PCDHA2: variants seen among roughly 807,000 people sequenced by gnomAD.
PCDHA2 encodes the protein protocadherin alpha 2, also known as protocadherin alpha-2.
Under a neutral mutation model 66.0 loss-of-function variants are expected in PCDHA2, and 58 were observed. The ratio of observed to expected loss-of-function variants is 0.88; its 90% CI spans 0.71 to 1.09. The LOEUF is 1.09. Ranked by LOEUF, PCDHA2 falls within the 50% of genes least tolerant of loss-of-function variation. The probability of loss-of-function intolerance (pLI) is 0.00; values close to 1 mark genes in which losing one functional copy is unlikely to be tolerated. For synonymous variants in PCDHA2, 634 were observed against 554.0 expected (o/e 1.14, Z -2.03); for missense variants, 1,267 against 1,242.3 (o/e 1.02, Z -0.30).
At chr5:140,991,025 A>G (rs1440890555) in intron 3 of PCDHA2, among the ~76,000 whole-genome samples, 2 of 152,208 alleles carry the variant, frequency 1.3e-5, no homozygotes, top group African/African-American at 4.8e-5. Flanking sequence ...CACTTTACAT[A>G]TGTTGCATAC....
chr5:140,808,672 A>G (rs1368669225), intron 1 of PCDHA2: 14 of 1,612,714 alleles, frequency 8.7e-6, no homozygotes, highest in African/African-American at 2.7e-5. Context: ...ACTCGCTGGT[A>G]GAGCGGCGGG....
Position 140,853,615 on chromosome 5 carries a change from A to G in PCDHA2, c.2388+56263A>G, listed in dbSNP as rs1265889147. 5 of 988,116 alleles carry G rather than the reference A, an allele frequency of 5.1e-6. 1 individual carries two copies. Among genetic ancestry groups the G allele is most frequent in the Non-Finnish European group, 6.1e-6 (5 of 820,262 alleles). 61.2% of individuals were successfully genotyped at this position (988,116 alleles called of 1,614,324 possible). ...TTTGAGAGCAAAGGGGGTGCTGTAA[A>G]TAAGTATACAAGATCACAGACCTAA... On this transcript the variant is annotated intron_variant, in intron 1 of 3. Coordinates refer to ENST00000526136, the MANE Select transcript of PCDHA2 (RefSeq NM_018905.3).
chr5:140,828,251 C>T (rs1278959274), intron 1 of PCDHA2: 6 of 1,614,002 alleles, frequency 3.7e-6, no homozygotes, highest in Non-Finnish European at 5.1e-6. Context: ...GGACCTGGGG[C>T]TGGAGCTGGC....
intron 1 of PCDHA2, chr5:140,828,974 A>G (rs1314280199): frequency 1.2e-6 from 2 of 1,614,192 alleles, no homozygotes; most frequent in Non-Finnish European, 1.7e-6. Context: ...CCACTTTAGC[A>G]TAGATCGAAA....
intron 1 of PCDHA2, chr5:140,843,167 A>G: frequency 6.3e-7 from 1 of 1,596,098 alleles, no homozygotes; most frequent in Non-Finnish European, 8.6e-7. Context: ...GCCAGCTGCA[A>G]GCAGCCCTCG....
chr5:140,853,963 A>G (rs1458848768), intron 1 of PCDHA2: 2 of 685,274 alleles, frequency 2.9e-6, no homozygotes, highest in African/African-American at 2.0e-5. Flanking sequence ...CCTTGAGCCC[A>G]GCAGTTTGAG....
chr5:140,797,107 G>A lies in PCDHA2; in HGVS notation c.2143G>A (p.Val715Met), dbSNP rs1174688256. 48 of 1,613,918 alleles carry A rather than the reference G, an allele frequency of 3.0e-5. No individual in the cohort carries two copies. The highest frequency in any genetic ancestry group is 3.9e-5 in the Non-Finnish European group (46 of 1,179,978). ...CAVSSLLVLTVLLYTALRCSV... is the reference protein window; with the variant it reads ...CAVSSLLVLTMLLYTALRCSV... ...GGTATCCAGCCTGTTGGTGCTCACG[G>A]TGCTGCTGTACACTGCGCTGCGGTG... is the stretch of plus-strand genomic sequence containing the variant. Residue 715 changes from valine to methionine, a missense_variant, in exon 1 of 4, where the codon GTG (valine) becomes ATG (methionine). Val to Met is a conservative substitution (Grantham distance 21). Coordinates refer to ENST00000526136, the MANE Select transcript of PCDHA2 (RefSeq NM_018905.3).
Position 140,925,082 on chromosome 5 carries a change from A to AAAGGAAGG in PCDHA2, c.2389-53849_2389-53842dup, listed in dbSNP as rs138596875. 2.5e-3 allele frequency among the ~76,000 whole-genome samples: 363 copies of AAAGGAAGG among 147,386 alleles called. 3 individuals carry two copies. The highest frequency in any genetic ancestry group is 8.0e-3 in the African/African-American group (310 of 38,948). ...GCAACAAAGCAACACGCTCATCTGG[A>AAAGGAAGG]AAGGAAGGAAGGAAGGAAGGAAGGA... On this transcript the variant is annotated intron_variant, in intron 1 of 3. Transcript: ENST00000526136.
intron 1 of PCDHA2, among the ~76,000 whole-genome samples, chr5:140,844,721 G>C (rs573731008): frequency 6.7e-6 from 1 of 149,274 alleles, no homozygotes; most frequent in Non-Finnish European, 1.5e-5. Context: ...CCATTAGTTC[G>C]TGTAAAAATA....
chr5:140,883,355 A>T (rs763058953), intron 1 of PCDHA2: 2 of 1,614,076 alleles, frequency 1.2e-6, no homozygotes, highest in Admixed American at 3.3e-5. Context: ...CAGAGAAGAC[A>T]CTCAGCCTAG....
At chr5:140,802,671 T>C (rs1762992155) in intron 1 of PCDHA2, 1 of 1,613,282 alleles carries the variant, frequency 6.2e-7, no homozygotes, top group South Asian at 1.1e-5. Flanking sequence ...CCTGGTGTCC[T>C]ACTCGCTGGT....
At chr5:140,862,775 A>C (rs1480702653) in intron 1 of PCDHA2, 4 of 576,960 alleles carry the variant, frequency 6.9e-6, no homozygotes, top group Non-Finnish European at 1.3e-5. Flanking sequence ...TACGCGTTGC[A>C]GCCACTGGAC....
chr5:140,882,927 C>A, intron 1 of PCDHA2: 1 of 1,614,104 alleles, frequency 6.2e-7, no homozygotes. Context: ...GGAGGTAAAC[C>A]CGAGCTGACT....
chr5:140,933,545 A>G (rs1424166462), intron 1 of PCDHA2, among the ~76,000 whole-genome samples: 1 of 152,114 alleles, frequency 6.6e-6, no homozygotes, highest in Non-Finnish European at 1.5e-5. Flanking sequence ...TAATGTTAAT[A>G]TAAAATAAAA....
chr5:140,980,981 A>G (rs1255751936), intron 2 of PCDHA2, among the ~76,000 whole-genome samples: 1 of 152,188 alleles, frequency 6.6e-6, no homozygotes, highest in Non-Finnish European at 1.5e-5. Context: ...GACTGAGCCC[A>G]CACAATTTGC....
intron 1 of PCDHA2, chr5:140,828,066 T>A (rs1334678252): frequency 6.4e-7 from 1 of 1,559,958 alleles, no homozygotes. Context: ...GATCTTCTAA[T>A]GGAAATAAAA....
intron 3 of PCDHA2, among the ~76,000 whole-genome samples, chr5:141,008,894 A>G (rs782674482): frequency 9.9e-5 from 15 of 152,254 alleles, no homozygotes; most frequent in Non-Finnish European, 1.8e-4. Context: ...TGTTATTACA[A>G]TAAAATTAAG....
chr5:140,806,523 G>T (rs1554123633), intron 1 of PCDHA2, among the ~76,000 whole-genome samples: 1 of 152,126 alleles, frequency 6.6e-6, no homozygotes, highest in Non-Finnish European at 1.5e-5. Context: ...AAATGCTGAT[G>T]GTCTTTGATC....
chr5:140,970,373 C>T (rs1554232421), intron 1 of PCDHA2, among the ~76,000 whole-genome samples: 2 of 152,250 alleles, frequency 1.3e-5, no homozygotes, highest in East Asian at 1.9e-4. Context: ...GCTATAGCTT[C>T]AAAAGGCTGG....
Sources: gnomAD v4.1 joint callset for allele counts (sites outside exome capture counted in the v4.1 genomes callset) on GRCh38, gnomAD v4.1.1 for gene constraint, MANE v1.5 for transcripts, NCBI Gene and HGNC (gene_info 2026-07-23, HGNC 2026-07-21) for gene names.